RTN4RL1: variants seen among roughly 807,000 people sequenced by gnomAD.
RTN4RL1 encodes reticulon 4 receptor like 1, also known as reticulon-4 receptor-like 1.
RTN4RL1 carries 7 observed loss-of-function variants against 25.6 expected under a neutral mutation model. The ratio of observed to expected loss-of-function variants is 0.27; its 90% CI spans 0.16 to 0.51. The LOEUF is 0.51. Among genes scored for constraint, RTN4RL1 ranks in the 20% least tolerant of loss-of-function variants. The pLI, the probability that RTN4RL1 is intolerant of heterozygous loss-of-function variation, is 0.97. For missense variants in RTN4RL1, 500 were observed against 615.6 expected, an observed-to-expected ratio of 0.81 and a Z score of 1.99; for synonymous variants, 297 against 288.2, an observed-to-expected ratio of 1.03 and a Z score of -0.31.
At chr17:1,986,400 T>C (rs193168882) in intron 1 of RTN4RL1, among the ~76,000 whole-genome samples, 26 of 152,250 alleles carry the variant, frequency 1.7e-4, no homozygotes, top group Admixed American at 5.2e-4. Context: ...TCCACATCCA[T>C]ATCCCTGGAG....
At chr17:1,982,378 C>T (rs1304788015) in intron 1 of RTN4RL1, among the ~76,000 whole-genome samples, 5 of 151,924 alleles carry the variant, frequency 3.3e-5, no homozygotes, top group Admixed American at 6.6e-5. Context: ...TTTGGGAGAC[C>T]GAGGCGGGCG....
At chr17:1,950,474 C>T (rs1915650215) in intron 1 of RTN4RL1, among the ~76,000 whole-genome samples, 1 of 152,090 alleles carries the variant, frequency 6.6e-6, no homozygotes, top group African/African-American at 2.4e-5. Flanking sequence ...GTTTAGTTGG[C>T]TGCAGCTGGA....
chr17:1,963,655 C>G (rs958935661), intron 1 of RTN4RL1, among the ~76,000 whole-genome samples: 1 of 152,234 alleles, frequency 6.6e-6, no homozygotes, highest in Non-Finnish European at 1.5e-5. Flanking sequence ...TTGCACTTCA[C>G]CATGGAGGCA....
chr17:2,007,954 C>A (rs1270601748), intron 1 of RTN4RL1, among the ~76,000 whole-genome samples: 3 of 144,684 alleles, frequency 2.1e-5, no homozygotes, highest in Non-Finnish European at 3.0e-5. Flanking sequence ...TCAAAAAAAA[C>A]CCAAAAAAAT....
chr17:2,009,220 G>A (rs1033514085), intron 1 of RTN4RL1, among the ~76,000 whole-genome samples: 4 of 152,198 alleles, frequency 2.6e-5, no homozygotes, highest in African/African-American at 7.2e-5. Context: ...AGCACTTTGG[G>A]AGGCCGAGGC....
intron 1 of RTN4RL1, among the ~76,000 whole-genome samples, chr17:2,015,889 C>T (rs1006883397): frequency 3.9e-5 from 6 of 152,140 alleles, no homozygotes; most frequent in African/African-American, 1.2e-4. Flanking sequence ...TAACAGGCAA[C>T]GCTCAGCACA....
chr17:2,000,048 G>A (rs2066950166), intron 1 of RTN4RL1, among the ~76,000 whole-genome samples: 1 of 152,280 alleles, frequency 6.6e-6, no homozygotes, highest in Admixed American at 6.5e-5. Context: ...AGCCCTGTGT[G>A]CATGTACCCA....
At chr17:1,988,770 T>C (rs2151318566) in intron 1 of RTN4RL1, among the ~76,000 whole-genome samples, 1 of 152,302 alleles carries the variant, frequency 6.6e-6, no homozygotes, top group Non-Finnish European at 1.5e-5. Flanking sequence ...TCCTTTGAGC[T>C]GGGCTCTAGA....
At chr17:1,978,097 A>C (rs2066851130) in intron 1 of RTN4RL1, among the ~76,000 whole-genome samples, 1 of 151,602 alleles carries the variant, frequency 6.6e-6, no homozygotes, top group Non-Finnish European at 1.5e-5. Context: ...CGCCTCCTGC[A>C]CTCTCGGGGA....
chr17:1,961,819 G>GAA (rs879372409), intron 1 of RTN4RL1, among the ~76,000 whole-genome samples: 1 of 136,658 alleles, frequency 7.3e-6, no homozygotes, highest in Non-Finnish European at 1.6e-5. Flanking sequence ...GTGGTGGCAT[G>GAA]TGCCTGTAAT....
In RTN4RL1 at chr17:1,950,252, G is replaced by A. The variant is rs545369997; in HGVS notation, c.14-12444C>T. On this transcript the variant is annotated intron_variant, in intron 1 of 1. Transcript: ENST00000331238. ...GGAGACAGACAGTGCTGAATGGACC[G>A]GACAGATGCCAGGATGGGGCCCGAC... Among the ~76,000 whole-genome samples the A allele has an allele frequency of 3.3e-5, 5 of 152,258 alleles. No homozygotes were observed. The South Asian group carries it at 6.2e-4, about 19-fold the overall frequency.
At chr17:2,013,928 C>T (rs371265195) in intron 1 of RTN4RL1, among the ~76,000 whole-genome samples, 52 of 152,364 alleles carry the variant, frequency 3.4e-4, no homozygotes, top group African/African-American at 1.1e-3. Context: ...AGCTGTGCAG[C>T]AGGGTTAAGC....
intron 1 of RTN4RL1, among the ~76,000 whole-genome samples, chr17:1,966,560 G>A (rs556363735): frequency 1.2e-4 from 18 of 152,174 alleles, no homozygotes; most frequent in African/African-American, 3.4e-4. Flanking sequence ...CGATCTCAGC[G>A]TGCTCCTAGC....
Position 1,994,234 on chromosome 17 carries a change from T to A in RTN4RL1, c.13+30619A>T, listed in dbSNP as rs1192706685. ...TGAGGGGGAAGTGATGGGCAAGAGC[T>A]GGGGAGGACAAAGCGGCTTTCACTC... On this transcript the variant is annotated intron_variant, in intron 1 of 1. Transcript: ENST00000331238. The surrounding 1 kb of genome is among the most constrained non-coding windows in gnomAD (Gnocchi z 4.3). Among the ~76,000 whole-genome samples the A allele has an allele frequency of 6.6e-6, 1 of 151,880 alleles. No individual in the cohort carries two copies. Among genetic ancestry groups the A allele is most frequent in the Non-Finnish European group, 1.5e-5 (1 of 67,976 alleles).
intron 1 of RTN4RL1, among the ~76,000 whole-genome samples, chr17:1,979,656 A>G (rs966008638): frequency 5.9e-5 from 9 of 152,140 alleles, no homozygotes; most frequent in African/African-American, 2.2e-4. Flanking sequence ...AGCCTATACT[A>G]AGATCTCTGC....
Position 1,994,889 on chromosome 17 carries a change from G to T in RTN4RL1, c.13+29964C>A, listed in dbSNP as rs2066922879. On this transcript the variant is annotated intron_variant, in intron 1 of 1. Transcript: ENST00000331238. This position sits in a 1 kb window ranked among gnomAD's most constrained non-coding sequence, Gnocchi z 4.3. The stretch of plus-strand genomic sequence containing the variant: ...GAGGTGGGAGGACTGCTTGAAGCCA[G>T]GAGTTCAAGACCAACCTGGCCAACA... 1.3e-5 allele frequency among the ~76,000 whole-genome samples: 2 copies of T among 151,684 alleles called. No homozygotes were observed. Among genetic ancestry groups the T allele is most frequent in the Admixed American group, 6.6e-5 (1 of 15,228 alleles).
rs1167193514 is a variant in RTN4RL1, at chr17:1,998,315, C to G, written c.13+26538G>C. 1.3e-5 allele frequency among the ~76,000 whole-genome samples: 2 copies of G among 152,218 alleles called. No individual in the cohort carries two copies. Among genetic ancestry groups the G allele is most frequent in the South Asian group, 2.1e-4 (1 of 4,834 alleles). On this transcript the variant is annotated intron_variant, in intron 1 of 1. Transcript: ENST00000331238. This position sits in a 1 kb window ranked among gnomAD's most constrained non-coding sequence, Gnocchi z 4.9. Reference sequence around the variant, plus strand: ...CAGGCCGACCCGAGCCGAGCGCGCCCTTTGGGCACCGGCCCCGCCCGGGAG... The same window carrying G: ...CAGGCCGACCCGAGCCGAGCGCGCCGTTTGGGCACCGGCCCCGCCCGGGAG...
chr17:1,936,922 G>A lies in RTN4RL1; in HGVS notation c.900C>T (p.Asp300=). ...ACGCTGGTCCCGTGCAGTTCCGGAA[G>A]TCCTCGGCCCTCAGCAGCTTCAGGT... is the stretch of plus-strand genomic sequence containing the variant. The part of the protein sequence containing the change: ...GQDLKLLRAE[D]FRNCTGPASP... Residue 300 remains aspartate (D), a synonymous_variant, in exon 2 of 2, where the codon GAC becomes GAT. Coordinates refer to ENST00000331238, the MANE Select transcript of RTN4RL1 (RefSeq NM_178568.4). 6.2e-7 allele frequency: 1 copy of A among 1,610,708 alleles called. No individual in the cohort carries two copies. Among genetic ancestry groups the A allele is most frequent in the Non-Finnish European group, 8.5e-7 (1 of 1,179,162 alleles).
intron 1 of RTN4RL1, among the ~76,000 whole-genome samples, chr17:1,992,765 T>G (rs1437035210): frequency 6.6e-6 from 1 of 152,232 alleles, no homozygotes; most frequent in Non-Finnish European, 1.5e-5. Flanking sequence ...CTCCCGGGCC[T>G]TTGCCAGTAC....
Sources: gnomAD v4.1 joint callset for allele counts (sites outside exome capture counted in the v4.1 genomes callset) on GRCh38, gnomAD v4.1.1 for gene constraint, Gnocchi (gnomAD v3.1) non-coding constraint, MANE v1.5 for transcripts, NCBI Gene and HGNC (gene_info 2026-07-23, HGNC 2026-07-21) for gene names.